Variants in CEP55 observed in about 807,000 individuals in gnomAD.
CEP55 encodes the protein centrosomal protein of 55 kDa.
In CEP55, 57 loss-of-function variants were observed where a neutral mutation model predicts 63.2. The observed-to-expected ratio is 0.90, with a 90% CI of 0.73 to 1.13. The LOEUF (loss-of-function observed/expected upper bound fraction) is 1.13. Among genes scored for constraint, CEP55 ranks in the 50% most tolerant of loss-of-function variants. CEP55 has a pLI of 0.00. For synonymous variants in CEP55, 178 were observed against 191.6 expected (o/e 0.93, Z 0.59); for missense variants, 456 against 518.9 (o/e 0.88, Z 1.18).
At chr10:93,526,015 A>G (rs928909418) in intron 8 of CEP55, among the ~76,000 whole-genome samples, 15 of 152,346 alleles carry the variant, frequency 9.8e-5, no homozygotes, top group African/African-American at 3.6e-4. Flanking sequence ...ACCATTCAGG[A>G]CATAGGTATG....
chr10:93,516,756 A>G (rs2057807410), intron 5 of CEP55, among the ~76,000 whole-genome samples, 179 bp from the exon 6 acceptor site: 1 of 152,198 alleles, frequency 6.6e-6, no homozygotes, highest in Non-Finnish European at 1.5e-5. Context: ...TATAACTTCA[A>G]ATAGTATACC....
At chr10:93,509,549 G>A (rs1480650436) in intron 4 of CEP55, among the ~76,000 whole-genome samples, 1 of 151,964 alleles carries the variant, frequency 6.6e-6, no homozygotes, top group African/African-American at 2.4e-5. Context: ...GCAGTGGCGC[G>A]ATCTTGGCTC....
chr10:93,526,107 A>T (rs1431401650), intron 8 of CEP55, among the ~76,000 whole-genome samples: 1 of 152,188 alleles, frequency 6.6e-6, no homozygotes, highest in African/African-American at 2.4e-5. Flanking sequence ...TAAACTAAAG[A>T]GCTTCTGCAC....
chr10:93,512,242 T>G (rs1200532833), intron 4 of CEP55, among the ~76,000 whole-genome samples: 2 of 39,280 alleles, frequency 5.1e-5, no homozygotes, highest in African/African-American at 1.7e-4. Context: ...AAAAAAAAAT[T>G]GGCCGGGCTC....
At chr10:93,527,878 C>T (rs1016748831) in intron 8 of CEP55, 72 bp from the exon 9 acceptor site, 9 of 1,325,224 alleles carry the variant, frequency 6.8e-6, no homozygotes, top group Non-Finnish European at 9.2e-6. Context: ...GAGACTGCCT[C>T]AAAAAAAGAA....
chr10:93,519,070 C>T (rs1321433389), intron 7 of CEP55, 122 bp downstream of exon 7: 3 of 668,618 alleles, frequency 4.5e-6, no homozygotes, highest in African/African-American at 3.7e-5. Flanking sequence ...TAAAAGACTT[C>T]AATAAAAGTC....
At chr10:93,512,536 AAT>A (rs1228670728) in intron 4 of CEP55, among the ~76,000 whole-genome samples, 5 of 138,990 alleles carry the variant, frequency 3.6e-5, no homozygotes, top group Admixed American at 7.3e-5. Context: ...AAAAAAAAAA[AAT>A]TTCATGACCA....
rs73325422 is a variant in CEP55 at position 93,519,033 on chromosome 10, C to T, written c.1065+85C>T. The T allele has an allele frequency of 6.3e-3, 6,353 of 1,006,798 alleles. 289 individuals carry two copies. The African/African-American group carries it at 0.09, about 14-fold the overall frequency. 62.4% of individuals were successfully genotyped at this position (1,006,798 alleles called of 1,614,324 possible). A position where few individuals can be genotyped will look rare whatever the true frequency, so the allele number is the denominator to read the frequency against. On this transcript the variant is annotated intron_variant, in intron 7 of 8. Transcript: ENST00000371485. ...CATGTTTATGCTGTTCTATGGAGAA[C>T]TGTTTGAAAGTTGTGAAAAGTGTCT...
intron 8 of CEP55, among the ~76,000 whole-genome samples, chr10:93,524,973 A>T (rs1443639804): frequency 6.6e-6 from 1 of 151,870 alleles, no homozygotes; most frequent in East Asian, 1.9e-4. Context: ...ACAAACCCAC[A>T]GCCAATATCA....
chr10:93,497,835 G>A (rs1018406005), intron 1 of CEP55, among the ~76,000 whole-genome samples: 1 of 151,818 alleles, frequency 6.6e-6, no homozygotes, highest in African/African-American at 2.4e-5. Context: ...ACAGGGAAAG[G>A]TGGCCGGGCG....
At chr10:93,512,888 CTGATTATTTTTCCCAACTTTTA>C (rs1378096410) in intron 4 of CEP55, among the ~76,000 whole-genome samples, 2 of 152,184 alleles carry the variant, frequency 1.3e-5, no homozygotes, top group South Asian at 2.1e-4. Flanking sequence ...ACTAAGTTCA[CTGATTATTTTTCCCAACTTTTA>C]TGATTATTTT....
At chr10:93,526,729 A>C (rs2057926810) in intron 8 of CEP55, among the ~76,000 whole-genome samples, 2 of 152,244 alleles carry the variant, frequency 1.3e-5, no homozygotes. Context: ...TGTGGCACAT[A>C]TACACCATGG....
chr10:93,523,153 A>G (rs2057881397), intron 8 of CEP55, among the ~76,000 whole-genome samples: 1 of 152,192 alleles, frequency 6.6e-6, no homozygotes, highest in Non-Finnish European at 1.5e-5. Flanking sequence ...CAATTTGGAT[A>G]AAGAGTCAAG....
intron 1 of CEP55, among the ~76,000 whole-genome samples, 181 bp downstream of exon 1, chr10:93,497,104 T>C (rs1357777187): frequency 2.0e-5 from 3 of 152,212 alleles, no homozygotes; most frequent in Non-Finnish European, 4.4e-5. Flanking sequence ...GTCTGTCTCC[T>C]CAAGTGAGAT....
intron 8 of CEP55, among the ~76,000 whole-genome samples, chr10:93,526,473 T>C (rs1005251159): frequency 2.6e-5 from 4 of 152,144 alleles, no homozygotes; most frequent in Admixed American, 2.0e-4. Context: ...AGGAACACTT[T>C]TACACTGTTG....
At chr10:93,513,462 G>A (rs61865356) in intron 4 of CEP55, among the ~76,000 whole-genome samples, 29,423 of 152,058 alleles carry the variant, frequency 0.19, 2,957 homozygotes, top group South Asian at 0.27. Context: ...AATTCTTACC[G>A]GAAAGCAGTT....
At position 93,499,518 on chromosome 10, in the gene CEP55, C is replaced by CTTTTTT. The variant is rs528933732; in HGVS notation, c.-12-506_-12-501dup. ...CACAAAACATAAATGTACAAGTTGA[C>CTTTTTT]TTTTTTTTTTTTTTTTTTTTTGAGA... On this transcript the variant is annotated intron_variant, in intron 1 of 8. Transcript: ENST00000371485. Among the ~76,000 whole-genome samples, 16 of 120,622 alleles carry CTTTTTT rather than the reference C, an allele frequency of 1.3e-4. 1 individual carries two copies. Among genetic ancestry groups the CTTTTTT allele is most frequent in the African/African-American group, 4.3e-4 (13 of 30,096 alleles). The allele number at this position is 120,622 out of a possible 152,430, so 79.1% of individuals were successfully genotyped here.
At chr10:93,517,503 T>A (rs2057817116) in intron 6 of CEP55, among the ~76,000 whole-genome samples, 1 of 152,200 alleles carries the variant, frequency 6.6e-6, no homozygotes, top group Non-Finnish European at 1.5e-5. Flanking sequence ...AAAGACCTGA[T>A]GATGAGGAGG....
intron 4 of CEP55, among the ~76,000 whole-genome samples, chr10:93,511,175 G>C (rs961216820): frequency 6.6e-6 from 1 of 151,940 alleles, no homozygotes; most frequent in African/African-American, 2.4e-5. Context: ...TCCTGACCTC[G>C]TGATCTGCCT....
Sources: gnomAD v4.1 joint callset for allele counts (sites outside exome capture counted in the v4.1 genomes callset) on GRCh38, gnomAD v4.1.1 for gene constraint, MANE v1.5 for transcripts, NCBI Gene and HGNC (gene_info 2026-07-23, HGNC 2026-07-21) for gene names.